Variants in HERC5 observed in about 807,000 individuals in gnomAD.
The protein encoded by HERC5 is HECT and RLD domain containing E3 ubiquitin protein ligase 5, also known as E3 ISG15--protein ligase HERC5.
A neutral mutation model predicts 119.6 loss-of-function variants in HERC5; 99 were observed. The observed-to-expected ratio is 0.83, with a 90% CI of 0.70 to 0.98. The LOEUF is 0.98. Ranked by LOEUF, HERC5 falls within the 50% of genes least tolerant of loss-of-function variation. The pLI is 0.00. For missense variants in HERC5, 1,267 were observed against 1,241.3 expected (o/e 1.02, Z -0.31); for synonymous variants, 478 against 445.9 (o/e 1.07, Z -0.91).
In HERC5 at chr4:88,470,637, C is replaced by A; in HGVS notation, c.1262C>A (p.Ser421Tyr). 1 of 1,512,426 alleles carries A rather than the reference C, an allele frequency of 6.6e-7. No homozygotes were observed. The highest frequency in any genetic ancestry group is 9.1e-7 in the Non-Finnish European group (1 of 1,093,460). The allele number at this position is 1,512,426 out of a possible 1,614,324, so 93.7% of individuals were successfully genotyped here. A position where few individuals can be genotyped will look rare whatever the true frequency, so the allele number is the denominator to read the frequency against. ...AGGGAAATCCAAGAGATATTTTCAT[C>A]TCCTGCTTGTCTAACTGGAAGTTTT... The part of the protein sequence containing the change: ...TKREIQEIFS[S>Y]PACLTGSFLR... The change falls in exon 10 of 23, where the codon TCT becomes TAT. Residue 421 changes from serine to tyrosine, a missense_variant. By Grantham distance (144) the Ser-to-Tyr change is moderately radical. Coordinates refer to ENST00000264350, the MANE Select transcript of HERC5 (RefSeq NM_016323.4).
intron 13 of HERC5, among the ~76,000 whole-genome samples, chr4:88,482,960 T>C (rs547196187): frequency 6.6e-6 from 1 of 152,106 alleles, no homozygotes; most frequent in Non-Finnish European, 1.5e-5. Flanking sequence ...TCAGCAAATT[T>C]GCCAAATTCT....
At chr4:88,478,895 A>C (rs902808592) in intron 12 of HERC5, among the ~76,000 whole-genome samples, 2 of 151,914 alleles carry the variant, frequency 1.3e-5, no homozygotes, top group Non-Finnish European at 2.9e-5. Context: ...TGTAGGTGTG[A>C]GCCACCATGC....
chr4:88,460,111 C>T lies in HERC5; in HGVS notation c.406C>T (p.Gln136Ter). Residue 136 changes from glutamine (Q) to a stop codon, truncating the protein, a stop_gained, in exon 3 of 23, where the codon CAA becomes TAA. Transcript: ENST00000264350. LOFTEE classifies it high-confidence loss of function. Reference sequence around the variant, plus strand: ...CTTCATCAGGTTTGAAAGCATTTTACAAGAAAAAAAAATAATTCAGATCAC... The same window carrying T: ...CTTCATCAGGTTTGAAAGCATTTTATAAGAAAAAAAAATAATTCAGATCAC... ...MKHLRFESILQEKKIIQITCG... is the reference protein window; with the variant it reads ...MKHLRFESIL 6.4e-7 allele frequency: 1 copy of T among 1,573,976 alleles called. No homozygotes were observed. The highest frequency in any genetic ancestry group is 8.7e-7 in the Non-Finnish European group (1 of 1,147,496).
intron 18 of HERC5, among the ~76,000 whole-genome samples, chr4:88,498,450 T>A (rs1282964938): frequency 6.6e-6 from 1 of 152,238 alleles, no homozygotes; most frequent in Admixed American, 6.5e-5. Context: ...GCCTTAAGAT[T>A]TAATGTTGCA....
Position 88,469,229 on chromosome 4 carries a change from G to A in HERC5, c.1207G>A (p.Val403Met), listed in dbSNP as rs1403386002. The A allele has an allele frequency of 1.2e-6, 2 of 1,613,448 alleles. No individual in the cohort carries two copies. The highest frequency in any genetic ancestry group is 1.7e-6 in the Non-Finnish European group (2 of 1,179,406). ...EGTVKRWIAD[V>M]ETKRWQSTKR... ...GACTGTAAAGAGATGGATTGCTGAT[G>A]TGGAGACTAAACGGTGGCAGAGCAC... Residue 403 changes from valine to methionine, a missense_variant, in exon 9 of 23, where the codon GTG becomes ATG. Val to Met is a conservative substitution (Grantham distance 21). Transcript: ENST00000264350.
rs1344462330 is a variant in HERC5, at chr4:88,475,953, C to G, written c.1505C>G (p.Ser502Cys). ...CCAGAATGTCCTATGATGCATATTTCCAACAACTGGGAGAGCCTTGTGGTT... is the reference window on the plus strand; with the variant it reads ...CCAGAATGTCCTATGATGCATATTTGCAACAACTGGGAGAGCCTTGTGGTT... Reference protein sequence around the residue: ...LLPECPMMHISNNWESLVVPF... With the variant: ...LLPECPMMHICNNWESLVVPF... Residue 502 changes from serine to cysteine, a missense_variant, in exon 12 of 23, where the codon TCC becomes TGC. Physicochemically the swap from Ser to Cys is moderately radical, Grantham distance 112. Transcript: ENST00000264350. 6.2e-7 allele frequency: 1 copy of G among 1,614,024 alleles called. No homozygotes were observed. Among genetic ancestry groups the G allele is most frequent in the Non-Finnish European group, 8.5e-7 (1 of 1,179,966 alleles).
intron 4 of HERC5, 150 bp downstream of exon 4, chr4:88,462,506 CAA>C (rs1272898288): frequency 8.9e-6 from 6 of 674,434 alleles, no homozygotes; most frequent in Non-Finnish European, 1.5e-5. Flanking sequence ...AGAATCAGTC[CAA>C]GAGGCATACA....
intron 5 of HERC5, 86 bp from the exon 6 acceptor site, chr4:88,463,769 A>G (rs943783692): frequency 4.7e-6 from 7 of 1,491,368 alleles, no homozygotes; most frequent in Non-Finnish European, 6.5e-6. Flanking sequence ...TGACAGTGCT[A>G]TTTATTAGTG....
chr4:88,479,457 GA>G lies in HERC5; in HGVS notation c.1688del (p.Glu563GlyfsTer9). ...QLDYWDESAE[E>X]NGNVQALLEM... ...GGATTACTGGGATGAAAGTGCTGAG[GA>G]GAATGGTAATGTTCAAGCTCTCCTA... On this transcript the variant is annotated frameshift_variant, in exon 13 of 23. Transcript: ENST00000264350. LOFTEE classifies it high-confidence loss of function. 1.2e-6 allele frequency: 2 copies of G among 1,613,206 alleles called. No homozygotes were observed. Among genetic ancestry groups the G allele is most frequent in the Non-Finnish European group, 1.7e-6 (2 of 1,179,750 alleles).
chr4:88,458,500 C>T (rs1740274137), intron 1 of HERC5, among the ~76,000 whole-genome samples: 1 of 151,858 alleles, frequency 6.6e-6, no homozygotes, highest in Non-Finnish European at 1.5e-5. Context: ...AGCCTATGTC[C>T]CAATACCATT....
At position 88,464,342 on chromosome 4, in the gene HERC5, A is replaced by G. The variant is rs560095766; in HGVS notation, c.911+357A>G. Among the ~76,000 whole-genome samples, 4 of 152,214 alleles carry G rather than the reference A, an allele frequency of 2.6e-5. No homozygotes were observed. In the South Asian group the frequency reaches 6.2e-4, roughly 24 times the overall value. ...TCACAAAGGATTATTCATTAAATGTAATCACCCTCTCTGACAATGCCTTGT... is the reference window on the plus strand; with the variant it reads ...TCACAAAGGATTATTCATTAAATGTGATCACCCTCTCTGACAATGCCTTGT... On this transcript the variant is annotated intron_variant, in intron 6 of 22. Coordinates refer to ENST00000264350, the MANE Select transcript of HERC5 (RefSeq NM_016323.4).
At chr4:88,491,303 A>G (rs1741631772) in intron 16 of HERC5, among the ~76,000 whole-genome samples, 1 of 152,194 alleles carries the variant, frequency 6.6e-6, no homozygotes, top group Non-Finnish European at 1.5e-5. Flanking sequence ...AATGTTGAAC[A>G]GGCCGTTGGA....
At chr4:88,480,290 C>CAA (rs954367882) in intron 13 of HERC5, among the ~76,000 whole-genome samples, 59 of 152,266 alleles carry the variant, frequency 3.9e-4, no homozygotes, top group Middle Eastern at 3.4e-3. Flanking sequence ...CTGCTTCTTA[C>CAA]ACTCAATGTT....
intron 18 of HERC5, among the ~76,000 whole-genome samples, chr4:88,495,753 GA>G (rs202063985): frequency 0.03 from 4,493 of 150,072 alleles, 96 homozygotes; most frequent in Middle Eastern, 0.041. Flanking sequence ...ATAAGACAAG[GA>G]AAAAAAAATC....
intron 13 of HERC5, among the ~76,000 whole-genome samples, chr4:88,479,861 A>T (rs1182544600): frequency 6.6e-6 from 1 of 152,032 alleles, no homozygotes; most frequent in Non-Finnish European, 1.5e-5. Flanking sequence ...AGGTCAGGAG[A>T]TCGAGACAAT....
At chr4:88,499,168 T>C (rs934164967) in intron 18 of HERC5, among the ~76,000 whole-genome samples, 3 of 152,208 alleles carry the variant, frequency 2.0e-5, no homozygotes, top group Admixed American at 6.5e-5. Flanking sequence ...CTCACTGTAT[T>C]GTAGGTGAGA....
intron 22 of HERC5, 101 bp downstream of exon 22, chr4:88,504,698 A>T (rs1434456076): frequency 1.0e-5 from 6 of 573,432 alleles, no homozygotes; most frequent in Non-Finnish European, 1.1e-5. Flanking sequence ...TCATAGTGTC[A>T]GAGCTACGCC....
At chr4:88,464,069 T>A (rs975078754) in intron 6 of HERC5, 84 bp downstream of exon 6, 72 of 1,197,462 alleles carry the variant, frequency 6.0e-5, no homozygotes, top group Non-Finnish European at 7.6e-5. Flanking sequence ...TTCAGTTTCT[T>A]TGAGATGTAT....
At chr4:88,478,240 A>G (rs1741151732) in intron 12 of HERC5, among the ~76,000 whole-genome samples, 1 of 152,256 alleles carries the variant, frequency 6.6e-6, no homozygotes, top group Non-Finnish European at 1.5e-5. Context: ...AATTGTATTT[A>G]TTCAGTGAAA....
Sources: allele counts gnomAD v4.1 joint callset (sites outside exome capture counted in the v4.1 genomes callset), GRCh38; gene constraint gnomAD v4.1.1; transcripts MANE v1.5; gene names NCBI Gene and HGNC (gene_info 2026-07-23, HGNC 2026-07-21).